CPLX2: variants seen among roughly 807,000 people sequenced by gnomAD.
CPLX2 encodes the protein complexin 2.
A neutral mutation model predicts 16.3 loss-of-function variants in CPLX2; 5 were observed. The observed-to-expected ratio is 0.31, with a 90% CI of 0.16 to 0.64. CPLX2 has a LOEUF of 0.64. Ranked by LOEUF, CPLX2 falls within the 30% of genes least tolerant of loss-of-function variation. CPLX2 has a pLI of 0.79. For missense variants in CPLX2, 144 were observed against 181.4 expected, an observed-to-expected ratio of 0.79 and a Z score of 1.18; for synonymous variants, 89 against 73.2, an observed-to-expected ratio of 1.22 and a Z score of -1.10.
In CPLX2 at chr5:175,878,643, C is replaced by A; in HGVS notation, c.-88-9C>A. ...CCTCTCCCATCTGACTCCCAATTCT[C>A]TTCTGCAGGTTGTCACATCTTCCCA... On this transcript the variant is annotated splice_polypyrimidine_tract_variant and intron_variant, in intron 1 of 3. Coordinates refer to ENST00000393745, the MANE Select transcript of CPLX2 (RefSeq NM_001008220.2). The A allele has an allele frequency of 7.0e-7, 1 of 1,427,128 alleles. No individual in the cohort carries two copies. Among genetic ancestry groups the A allele is most frequent in the Non-Finnish European group, 9.7e-7 (1 of 1,031,832 alleles). 88.4% of individuals were successfully genotyped at this position (1,427,128 alleles called of 1,614,324 possible).
intron 2 of CPLX2, among the ~76,000 whole-genome samples, chr5:175,857,724 A>G (rs1394160300): frequency 6.6e-6 from 1 of 151,314 alleles, no homozygotes; most frequent in Admixed American, 6.6e-5. Context: ...CAAAAAAATC[A>G]TAAGTGGAAC....
At chr5:175,855,502 TCA>T (rs1169104905) in intron 2 of CPLX2, among the ~76,000 whole-genome samples, 1 of 152,194 alleles carries the variant, frequency 6.6e-6, no homozygotes, top group Non-Finnish European at 1.5e-5. Flanking sequence ...ACTGATAAGT[TCA>T]AGGGTAGATC....
intron 1 of CPLX2, among the ~76,000 whole-genome samples, chr5:175,874,280 T>C (rs755303412): frequency 2.0e-5 from 3 of 152,174 alleles, no homozygotes; most frequent in Non-Finnish European, 4.4e-5. Flanking sequence ...GGTGGGGATG[T>C]AGGCAGCATT....
rs1468342421 is a variant in CPLX2 at position 175,871,597 on chromosome 5, C to T, written c.-197C>T. 6.6e-6 allele frequency: 1 copy of T among 152,160 alleles called. No homozygotes were observed. Among genetic ancestry groups the T allele is most frequent in the Non-Finnish European group, 1.5e-5 (1 of 68,038 alleles). 9.4% of individuals were successfully genotyped at this position (152,160 alleles called of 1,614,324 possible). ...CGCGGCAGAAGCCGCGGCTCCAGCT[C>T]GCCTGGCGGAATTGCACGCGGCGGC... On this transcript the variant is annotated 5_prime_UTR_variant, in exon 1 of 4. Transcript: ENST00000393745.
chr5:175,801,816 G>T (rs1758100928), intron 1 of CPLX2, among the ~76,000 whole-genome samples: 1 of 152,212 alleles, frequency 6.6e-6, no homozygotes. Flanking sequence ...GTCCACTAGA[G>T]CCCGGCTCGG....
intron 2 of CPLX2, among the ~76,000 whole-genome samples, chr5:175,853,723 T>C (rs1759199984): frequency 6.6e-6 from 1 of 152,164 alleles, no homozygotes; most frequent in Non-Finnish European, 1.5e-5. Flanking sequence ...CTTCTTGTGA[T>C]GCAATAGGAA....
intron 2 of CPLX2, among the ~76,000 whole-genome samples, chr5:175,836,686 G>A (rs1758846424): frequency 6.6e-6 from 1 of 152,254 alleles, no homozygotes; most frequent in African/African-American, 2.4e-5. Context: ...TTTTGCATAA[G>A]CATTCCGTCT....
At chr5:175,841,268 A>G (rs1758938797) in intron 2 of CPLX2, among the ~76,000 whole-genome samples, 1 of 152,096 alleles carries the variant, frequency 6.6e-6, no homozygotes, top group Non-Finnish European at 1.5e-5. Flanking sequence ...CAAACCCAAC[A>G]CGGAGACAGA....
At chr5:175,833,059 G>A (rs1351181558) in intron 2 of CPLX2, among the ~76,000 whole-genome samples, 1 of 151,376 alleles carries the variant, frequency 6.6e-6, no homozygotes, top group East Asian at 1.9e-4. Flanking sequence ...GGGAGGCTGA[G>A]GCAGGAGAAT....
chr5:175,880,353 C>T lies in CPLX2; in HGVS notation c.*308C>T, dbSNP rs1021793339. ...GGTGACCCCCATACATTCCTCCCTG[C>T]TCCCCACTGCCAGGAGGACCACTGT... On this transcript the variant is annotated 3_prime_UTR_variant, in exon 4 of 4. Transcript: ENST00000393745. 20 of 433,118 alleles carry T rather than the reference C, an allele frequency of 4.6e-5. No homozygotes were observed. The highest frequency in any genetic ancestry group is 4.0e-4 in the African/African-American group (20 of 49,502). 26.8% of individuals were successfully genotyped at this position (433,118 alleles called of 1,614,324 possible). A position where few individuals can be genotyped will look rare whatever the true frequency, so the allele number is the denominator to read the frequency against.
intron 2 of CPLX2, among the ~76,000 whole-genome samples, chr5:175,822,514 T>C (rs1400310972): frequency 6.6e-6 from 1 of 152,208 alleles, no homozygotes; most frequent in Non-Finnish European, 1.5e-5. Flanking sequence ...CTCTTTAGAC[T>C]TAAGTGACAG....
intron 1 of CPLX2, among the ~76,000 whole-genome samples, chr5:175,803,270 T>G (rs891372522): frequency 6.6e-6 from 1 of 152,182 alleles, no homozygotes; most frequent in Non-Finnish European, 1.5e-5. Flanking sequence ...CCAATAACTG[T>G]TTTAGAAGCT....
chr5:175,847,610 A>C (rs1404568145), intron 2 of CPLX2, among the ~76,000 whole-genome samples: 2 of 152,256 alleles, frequency 1.3e-5, no homozygotes, highest in African/African-American at 4.8e-5. Context: ...TACTGCCCTC[A>C]ACTCAGCCCA....
At chr5:175,869,774 A>G (rs891413560), upstream of CPLX2, among the ~76,000 whole-genome samples, 7 of 152,168 alleles carry the variant, frequency 4.6e-5, no homozygotes, top group Non-Finnish European at 1.0e-4. Context: ...CGAGCTTGAC[A>G]TACTCACGTT....
At chr5:175,858,846 G>A (rs1381164219) in intron 2 of CPLX2, among the ~76,000 whole-genome samples, 1 of 152,240 alleles carries the variant, frequency 6.6e-6, no homozygotes, top group Non-Finnish European at 1.5e-5. Flanking sequence ...GGAGCCTGTT[G>A]ATTGGTCTAT....
Position 175,849,954 on chromosome 5 carries a change from CATCT to C in CPLX2, c.-88-28697_-88-28694del, listed in dbSNP as rs1213691089. ...GCATGAGAAGTGTGGTTTTGGGTAC[CATCT>C]GTTTCCCACTGAATCAGGGGCTCCC... is the stretch of plus-strand genomic sequence containing the variant. On this transcript the variant is annotated intron_variant, in intron 2 of 4. Transcript: ENST00000359546. The surrounding 1 kb of genome is among the most constrained non-coding windows in gnomAD (Gnocchi z 4.4). 6.6e-6 allele frequency among the ~76,000 whole-genome samples: 1 copy of C among 152,148 alleles called. No homozygotes were observed. The highest frequency in any genetic ancestry group is 1.5e-5 in the Non-Finnish European group (1 of 68,030).
At chr5:175,877,819 C>G (rs75757780) in intron 1 of CPLX2, among the ~76,000 whole-genome samples, 50 of 152,156 alleles carry the variant, frequency 3.3e-4, no homozygotes, top group Non-Finnish European at 6.5e-4. Context: ...ATTTGGAGAA[C>G]CCTTCTGAGG....
At chr5:175,844,578 G>A (rs967708985) in intron 2 of CPLX2, among the ~76,000 whole-genome samples, 4 of 152,200 alleles carry the variant, frequency 2.6e-5, no homozygotes, top group African/African-American at 9.7e-5. Context: ...GGTCTCTCTT[G>A]GGAGGCAGCC....
At chr5:175,848,928 G>A (rs989735383) in intron 2 of CPLX2, among the ~76,000 whole-genome samples, 30 of 152,276 alleles carry the variant, frequency 2.0e-4, no homozygotes, top group South Asian at 4.1e-4. Flanking sequence ...AGAGTGAGCC[G>A]GGGAGAGCAG....
Sources: gnomAD v4.1 joint callset for allele counts (sites outside exome capture counted in the v4.1 genomes callset) on GRCh38, gnomAD v4.1.1 for gene constraint, Gnocchi (gnomAD v3.1) non-coding constraint, MANE v1.5 for transcripts, NCBI Gene and HGNC (gene_info 2026-07-23, HGNC 2026-07-21) for gene names.